SGCD: variants seen among roughly 807,000 people sequenced by gnomAD.
SGCD encodes the protein sarcoglycan delta.
Under a neutral mutation model 36.6 loss-of-function variants are expected in SGCD, and 18 were observed. The ratio of observed to expected loss-of-function variants is 0.49; its 90% CI spans 0.34 to 0.73. SGCD has a LOEUF of 0.73. Ranked by LOEUF, SGCD falls within the 30% of genes least tolerant of loss-of-function variation. The pLI is 0.01. For missense variants in SGCD, 387 were observed against 346.7 expected, an observed-to-expected ratio of 1.12 and a Z score of -0.92; for synonymous variants, 133 against 130.6, an observed-to-expected ratio of 1.02 and a Z score of -0.12.
chr5:155,850,265 C>T, the SGCD span, among the ~76,000 whole-genome samples: 10 of 152,278 alleles, frequency 6.6e-5, no homozygotes, highest in South Asian at 2.1e-3. Context: ...AGGCAGACAG[C>T]TCTTTTATCC....
intron 3 of SGCD, among the ~76,000 whole-genome samples, chr5:156,214,607 T>C (rs1291687450): frequency 6.6e-6 from 1 of 152,038 alleles, no homozygotes; most frequent in African/African-American, 2.4e-5. Context: ...TTCTAAAATT[T>C]TTATGGAACC....
intron 3 of SGCD, among the ~76,000 whole-genome samples, chr5:156,301,235 A>G (rs1213891397): frequency 6.6e-6 from 1 of 151,562 alleles, no homozygotes; most frequent in Non-Finnish European, 1.5e-5. Context: ...TAAATGTTTT[A>G]CTTTTTATTT....
intron 3 of SGCD, among the ~76,000 whole-genome samples, chr5:156,293,419 T>G (rs1362015583): frequency 6.6e-6 from 1 of 152,156 alleles, no homozygotes; most frequent in Non-Finnish European, 1.5e-5. Flanking sequence ...AAGCTTTTGT[T>G]CTATGTTTTC....
At chr5:155,796,459 A>C in the SGCD span, among the ~76,000 whole-genome samples, 2 of 152,020 alleles carry the variant, frequency 1.3e-5, no homozygotes, top group Non-Finnish European at 2.9e-5. Flanking sequence ...CAGTGAATAG[A>C]TGATAAGTTA....
chr5:156,709,829 C>T (rs1051726920), intron 7 of SGCD, among the ~76,000 whole-genome samples: 2 of 24,816 alleles, frequency 8.1e-5, no homozygotes, highest in Non-Finnish European at 1.3e-4. Flanking sequence ...TTCCTGCCGC[C>T]CCCTCCCCCC....
At chr5:156,676,884 T>C (rs76007058) in intron 7 of SGCD, among the ~76,000 whole-genome samples, 10,190 of 152,284 alleles carry the variant, frequency 0.067, 371 homozygotes, top group South Asian at 0.11. Context: ...AGGGAATCAA[T>C]GATGAGCAAG....
At chr5:155,897,491 C>A (rs1414928315) in intron 1 of SGCD, among the ~76,000 whole-genome samples, 1 of 152,094 alleles carries the variant, frequency 6.6e-6, no homozygotes, top group East Asian at 1.9e-4. Context: ...TATTTATTTT[C>A]TTTAATAATA....
chr5:155,840,085 CTT>C, the SGCD span, among the ~76,000 whole-genome samples: 178 of 149,438 alleles, frequency 1.2e-3, no homozygotes, highest in Middle Eastern at 3.5e-3. Context: ...TTGTGTCAGT[CTT>C]TTTTTTTTTT....
chr5:155,832,941 C>T, the SGCD span, among the ~76,000 whole-genome samples: 1,423 of 151,084 alleles, frequency 9.4e-3, 22 homozygotes, highest in African/African-American at 0.033. Context: ...GGGCTGGGCA[C>T]GGTGGCTCAT....
chr5:156,584,321 T>A (rs1387566598), intron 4 of SGCD, among the ~76,000 whole-genome samples: 1 of 152,232 alleles, frequency 6.6e-6, no homozygotes, highest in Non-Finnish European at 1.5e-5. Context: ...TTTCACCTTC[T>A]ACTTTGTGTT....
chr5:156,170,784 A>G (rs1763325683), intron 3 of SGCD, among the ~76,000 whole-genome samples: 1 of 152,202 alleles, frequency 6.6e-6, no homozygotes, highest in Non-Finnish European at 1.5e-5. Flanking sequence ...TGCCCTGGCT[A>G]AGTTCCAGGC....
intron 3 of SGCD, among the ~76,000 whole-genome samples, chr5:156,272,325 A>T (rs1409156923): frequency 1.3e-5 from 2 of 152,222 alleles, no homozygotes; most frequent in African/African-American, 4.8e-5. Flanking sequence ...TCCCATCTCC[A>T]TTCAAGTTAC....
chr5:156,046,362 G>A (rs527991233), intron 1 of SGCD, among the ~76,000 whole-genome samples: 2 of 152,054 alleles, frequency 1.3e-5, no homozygotes, highest in Admixed American at 1.3e-4. Context: ...ATACTATGCA[G>A]GCATACCTAG....
chr5:156,090,886 C>T (rs1313057989), intron 1 of SGCD, among the ~76,000 whole-genome samples: 1 of 152,154 alleles, frequency 6.6e-6, no homozygotes, highest in East Asian at 1.9e-4. Flanking sequence ...AGGCTCCCTG[C>T]CAGAAGAAAA....
At chr5:156,479,427 C>T (rs1381199469) in intron 3 of SGCD, among the ~76,000 whole-genome samples, 1 of 152,150 alleles carries the variant, frequency 6.6e-6, no homozygotes, top group African/African-American at 2.4e-5. Context: ...AGATATTTAA[C>T]TGGAGCTGAG....
rs113548340 is a variant in SGCD at position 156,512,041 on chromosome 5, A to C, written c.294+3339A>C. 3.3e-3 allele frequency among the ~76,000 whole-genome samples: 497 copies of C among 152,166 alleles called. 1 individual carries two copies. The highest frequency in any genetic ancestry group is 0.011 in the African/African-American group (473 of 41,514). On this transcript the variant is annotated intron_variant, in intron 4 of 8. Transcript: ENST00000337851. ...CAACCCTGTCTCTACTAAGAATACA[A>C]AAATTAGCCAGACACGGTGGCGGGC...
chr5:155,959,822 T>C (rs1299441420), intron 1 of SGCD, among the ~76,000 whole-genome samples: 1 of 151,962 alleles, frequency 6.6e-6, no homozygotes, highest in Non-Finnish European at 1.5e-5. Flanking sequence ...CCTGGAAAGG[T>C]GAATTTATTT....
chr5:155,825,818 G>A, the SGCD span, among the ~76,000 whole-genome samples: 1 of 151,344 alleles, frequency 6.6e-6, no homozygotes, highest in African/African-American at 2.4e-5. Flanking sequence ...GCACAATCTC[G>A]GCTCACTGCA....
At chr5:155,802,932 A>G in the SGCD span, among the ~76,000 whole-genome samples, 1 of 152,210 alleles carries the variant, frequency 6.6e-6, no homozygotes, top group East Asian at 1.9e-4. Flanking sequence ...CATAAAGGAA[A>G]GCTGATCCAT....
Sources: allele counts gnomAD v4.1 joint callset (sites outside exome capture counted in the v4.1 genomes callset), GRCh38; gene constraint gnomAD v4.1.1; transcripts MANE v1.5; gene names NCBI Gene and HGNC (gene_info 2026-07-23, HGNC 2026-07-21).